The following CCM2L variants were observed in gnomAD, a reference collection of about 807,000 sequenced individuals.
CCM2L encodes the protein cerebral cavernous malformations 2 protein-like.
CCM2L carries 36 observed loss-of-function variants against 54.1 expected under a neutral mutation model. The observed-to-expected ratio is 0.67, with a 90% confidence interval of 0.51 to 0.88. The LOEUF is 0.88. CCM2L is among the 40% of genes least tolerant of loss of function. CCM2L has a pLI of 0.00. For synonymous variants in CCM2L, 351 were observed against 359.3 expected (o/e 0.98, Z 0.26); for missense variants, 700 against 812.1 (o/e 0.86, Z 1.68).
rs1403654445 is a variant in CCM2L, at chr20:32,031,313, A to G, written c.1715A>G (p.Ter572TrpextTer85). 7.9e-7 allele frequency: 1 copy of G among 1,269,404 alleles called. No homozygotes were observed. Among genetic ancestry groups the G allele is most frequent in the East Asian group, 5.7e-5 (1 of 17,618 alleles). The allele number at this position is 1,269,404 out of a possible 1,614,324, so 78.6% of individuals were successfully genotyped here. A position where few individuals can be genotyped will look rare whatever the true frequency, so the allele number is the denominator to read the frequency against. Residue 572 changes from the stop codon to tryptophan, a stop_lost, in exon 10 of 10, where the codon TAG (stop) becomes TGG (tryptophan). Coordinates refer to ENST00000452892, the MANE Select transcript of CCM2L (RefSeq NM_001365692.1). Reference protein sequence around the residue: ...GSDAAEDNYL* With the variant: ...GSDAAEDNYLW Reference sequence around the variant, plus strand: ...GACGCCGCAGAAGACAACTACCTGTAGCCACCGCCCCTGCGGACGGCGTGG... The same window carrying G: ...GACGCCGCAGAAGACAACTACCTGTGGCCACCGCCCCTGCGGACGGCGTGG...
intron 9 of CCM2L, 142 bp downstream of exon 9, chr20:32,029,980 TGAG>T: frequency 9.3e-7 from 1 of 1,076,928 alleles, no homozygotes; most frequent in Non-Finnish European, 1.3e-6. Context: ...ACAGGGCAGA[TGAG>T]GAGCCCAAAG....
intron 8 of CCM2L, 140 bp from the exon 9 acceptor site, chr20:32,029,560 T>C: frequency 2.8e-6 from 3 of 1,079,960 alleles, no homozygotes; most frequent in Non-Finnish European, 3.8e-6. Flanking sequence ...GGGATCTAGA[T>C]GTCCTCTGAA....
rs1455738961 is a variant in CCM2L, at chr20:32,031,042, G to C, written c.1444G>C (p.Glu482Gln). 7.7e-7 allele frequency: 1 copy of C among 1,304,124 alleles called. No individual in the cohort carries two copies. Among genetic ancestry groups the C allele is most frequent in the African/African-American group, 1.5e-5 (1 of 65,870 alleles). 80.8% of individuals were successfully genotyped at this position (1,304,124 alleles called of 1,614,324 possible). A position where few individuals can be genotyped will look rare whatever the true frequency, so the allele number is the denominator to read the frequency against. ...CCCGGACCAGGACATCGGCTACTTC[G>C]AGGGCTTCCTGGAGGGCGTGGGCAT... ...FIPDQDIGYF[E>Q]GFLEGVGIRE... The change falls in exon 10 of 10, where the codon GAG becomes CAG. Residue 482 changes from glutamate to glutamine, a missense_variant. Coordinates refer to ENST00000452892, the MANE Select transcript of CCM2L (RefSeq NM_001365692.1).
At chr20:32,013,793 G>A (rs560568828) in intron 1 of CCM2L, among the ~76,000 whole-genome samples, 4 of 152,128 alleles carry the variant, frequency 2.6e-5, no homozygotes, top group Non-Finnish European at 5.9e-5. Flanking sequence ...GGGAGCGACT[G>A]CTCTAAATGC....
Position 32,031,191 on chromosome 20 carries a change from C to G in CCM2L, c.1593C>G (p.His531Gln), listed in dbSNP as rs908569083. ...AGCGGCCCGAGGCACAGGCCTTCCA[C>G]CGGCTGCTGGCTGACATCACGCACG... ...AAQRPEAQAFHRLLADITHDI... is the reference protein window; with the variant it reads ...AAQRPEAQAFQRLLADITHDI... Residue 531 changes from histidine to glutamine, a missense_variant, in exon 10 of 10, where the codon CAC becomes CAG. His to Gln is a conservative substitution (Grantham distance 24). Coordinates refer to ENST00000452892, the MANE Select transcript of CCM2L (RefSeq NM_001365692.1). The G allele has an allele frequency of 2.3e-6, 3 of 1,301,796 alleles. No homozygotes were observed. Among genetic ancestry groups the G allele is most frequent in the African/African-American group, 3.0e-5 (2 of 65,876 alleles). The allele number at this position is 1,301,796 out of a possible 1,614,324, so 80.6% of individuals were successfully genotyped here.
At chr20:32,027,746 A>G (rs1257413213) in intron 7 of CCM2L, 1 of 152,222 alleles carries the variant, frequency 6.6e-6, no homozygotes, top group East Asian at 1.9e-4. Context: ...ACAAGGAGGC[A>G]GGAGCCTAAG....
At position 32,031,508 on chromosome 20, in the gene CCM2L, G is replaced by A. The variant is rs886109019; in HGVS notation, c.*194G>A. ...TGTCCTGCAGGGGGAAAGCGAAGCC[G>A]GGCCCTGAAGTCCGGGGCAGTCACC... On this transcript the variant is annotated 3_prime_UTR_variant, in exon 10 of 10. Transcript: ENST00000452892. 5 of 352,256 alleles carry A rather than the reference G, an allele frequency of 1.4e-5. No homozygotes were observed. Among genetic ancestry groups the A allele is most frequent in the African/African-American group, 4.5e-5 (2 of 44,278 alleles). 21.8% of individuals were successfully genotyped at this position (352,256 alleles called of 1,614,324 possible). A position where few individuals can be genotyped will look rare whatever the true frequency, so the allele number is the denominator to read the frequency against.
chr20:32,014,246 CATAT>C (rs572945733), intron 1 of CCM2L, among the ~76,000 whole-genome samples: 15 of 137,508 alleles, frequency 1.1e-4, no homozygotes, highest in East Asian at 2.0e-4. Context: ...TATGTGTGTA[CATAT>C]ATATATATAT....
rs1322009031 is a variant in CCM2L at position 32,031,302 on chromosome 20, C to A, written c.1704C>A (p.Asp568Glu). 1 of 1,281,518 alleles carries A rather than the reference C, an allele frequency of 7.8e-7. No individual in the cohort carries two copies. Among genetic ancestry groups the A allele is most frequent in the Non-Finnish European group, 1.0e-6 (1 of 984,600 alleles). 79.4% of individuals were successfully genotyped at this position (1,281,518 alleles called of 1,614,324 possible). A position where few individuals can be genotyped will look rare whatever the true frequency, so the allele number is the denominator to read the frequency against. The change falls in exon 10 of 10, where the codon GAC becomes GAA. Residue 568 changes from aspartate to glutamate, a missense_variant. By Grantham distance (45) the Asp-to-Glu change is conservative. Coordinates refer to ENST00000452892, the MANE Select transcript of CCM2L (RefSeq NM_001365692.1). ...GSRGGSDAAE[D>E]NYL ...GGGGCGGGAGCGACGCCGCAGAAGA[C>A]AACTACCTGTAGCCACCGCCCCTGC...
At position 32,013,640 on chromosome 20, in the gene CCM2L, C is replaced by G. The variant is rs577774552; in HGVS notation, c.31-1264C>G. Reference sequence around the variant, plus strand: ...TTTTTTGGCATATTTTTTGTAGAGACAGTTTCACCATGTTGTCAAGGCTGG... The same window carrying G: ...TTTTTTGGCATATTTTTTGTAGAGAGAGTTTCACCATGTTGTCAAGGCTGG... On this transcript the variant is annotated intron_variant, in intron 1 of 9. Coordinates refer to ENST00000452892, the MANE Select transcript of CCM2L (RefSeq NM_001365692.1). 1.5e-3 allele frequency among the ~76,000 whole-genome samples: 221 copies of G among 151,838 alleles called. 1 individual carries two copies. Among genetic ancestry groups the G allele is most frequent in the Non-Finnish European group, 2.2e-3 (149 of 67,966 alleles).
At chr20:32,024,672 C>A (rs982619247) in intron 6 of CCM2L, among the ~76,000 whole-genome samples, 6 of 152,122 alleles carry the variant, frequency 3.9e-5, no homozygotes, top group African/African-American at 1.4e-4. Flanking sequence ...ACTAAAAATA[C>A]AAAAATTAGC....
chr20:32,022,722 G>C lies in CCM2L; in HGVS notation c.996G>C (p.Gln332His). The change falls in exon 6 of 10, where the codon CAG becomes CAC. Residue 332 changes from glutamine to histidine, a missense_variant. Coordinates refer to ENST00000452892, the MANE Select transcript of CCM2L (RefSeq NM_001365692.1). ...CQVFQIIYGD[Q>H]SIECVDRAGY... The stretch of plus-strand genomic sequence containing the variant: ...TCTTCCAGATCATCTACGGGGACCA[G>C]AGTATTGAGTGTGTGGACCGGGCTG... The C allele has an allele frequency of 6.2e-7, 1 of 1,614,136 alleles. No individual in the cohort carries two copies.
chr20:32,022,822 C>A (rs1291589932), intron 6 of CCM2L, 27 bp downstream of exon 6: 13 of 1,610,122 alleles, frequency 8.1e-6, no homozygotes, highest in Non-Finnish European at 1.0e-5. Flanking sequence ...CTGGCCTCCC[C>A]TCCTGTGAAA....
At chr20:32,018,191 AGGGGCGGGGGCGGGGGC>A (rs758662995) in intron 4 of CCM2L, 29 bp downstream of exon 4, 910 of 67,470 alleles carry the variant, frequency 0.013, 9 homozygotes, top group Admixed American at 0.034. Flanking sequence ...GGGGCGGGGG[AGGGGCGGGGGCGGGGGC>A]GGGGGAGGGG....
intron 7 of CCM2L, among the ~76,000 whole-genome samples, chr20:32,026,332 A>T (rs1034446259): frequency 6.6e-6 from 1 of 152,112 alleles, no homozygotes; most frequent in African/African-American, 2.4e-5. Flanking sequence ...TCAACATTTC[A>T]TGGTTGTTAG....
At position 32,018,178 on chromosome 20, in the gene CCM2L, G is replaced by A. The variant is rs1220181408; in HGVS notation, c.466+16G>A. ...CTCAAGACCGGTGCGGCGGGAGGGG[G>A]CGGGGGCGGGGGAGGGGCGGGGGCG... On this transcript the variant is annotated intron_variant, in intron 4 of 9. Transcript: ENST00000452892. The A allele has an allele frequency of 6.1e-6, 6 of 981,374 alleles. No individual in the cohort carries two copies. The South Asian group carries it at 1.5e-4, about 25-fold the overall frequency. 60.8% of individuals were successfully genotyped at this position (981,374 alleles called of 1,614,324 possible). A position where few individuals can be genotyped will look rare whatever the true frequency, so the allele number is the denominator to read the frequency against.
intron 9 of CCM2L, among the ~76,000 whole-genome samples, chr20:32,030,159 C>T (rs756544358): frequency 5.9e-5 from 9 of 152,136 alleles, no homozygotes; most frequent in African/African-American, 9.7e-5. Context: ...GGAACATGTC[C>T]AAGGTCACAC....
intron 1 of CCM2L, among the ~76,000 whole-genome samples, chr20:32,014,261 A>ATATATATAT (rs1364242332): frequency 7.6e-6 from 1 of 132,238 alleles, no homozygotes; most frequent in Non-Finnish European, 1.6e-5. Context: ...ATATATATAT[A>ATATATATAT]TTTTTTTTTT....
intron 2 of CCM2L, among the ~76,000 whole-genome samples, chr20:32,017,589 C>A (rs916901768): frequency 1.3e-5 from 2 of 152,200 alleles, no homozygotes; most frequent in African/African-American, 4.8e-5. Flanking sequence ...TTTTTCTCAT[C>A]CTTAAAGCAA....
Sources: allele counts gnomAD v4.1 joint callset (sites outside exome capture counted in the v4.1 genomes callset), GRCh38; gene constraint gnomAD v4.1.1; transcripts MANE v1.5; gene names NCBI Gene and HGNC (gene_info 2026-07-23, HGNC 2026-07-21).